The following SORCS3 variants were observed in gnomAD, a reference collection of about 807,000 sequenced individuals.
SORCS3 encodes VPS10 domain-containing receptor SorCS3.
A neutral mutation model predicts 146.3 loss-of-function variants in SORCS3; 57 were observed. That is an observed-to-expected ratio of 0.39 (90% CI 0.31 to 0.49). The LOEUF (loss-of-function observed/expected upper bound fraction) is 0.49, where lower values mean the gene tolerates loss of function less well. Among genes scored for constraint, SORCS3 ranks in the 20% least tolerant of loss-of-function variants. The probability of loss-of-function intolerance (pLI) is 0.92; values close to 1 mark genes in which losing one functional copy is unlikely to be tolerated. For missense variants in SORCS3, 1,341 were observed against 1,575.5 expected (o/e 0.85, Z 2.52); for synonymous variants, 653 against 618.5 (o/e 1.06, Z -0.83).
chr10:104,761,066 C>G (rs930740680), intron 1 of SORCS3, among the ~76,000 whole-genome samples: 8 of 152,212 alleles, frequency 5.3e-5, no homozygotes, highest in African/African-American at 9.6e-5. Flanking sequence ...GAAATCCTAC[C>G]TCCTTGAATG....
At chr10:104,796,237 G>A (rs75424675) in intron 1 of SORCS3, among the ~76,000 whole-genome samples, 1,975 of 152,306 alleles carry the variant, frequency 0.013, 30 homozygotes, top group African/African-American at 0.038. Flanking sequence ...TTTACATTCT[G>A]TAGCTAGAAC....
intron 13 of SORCS3, among the ~76,000 whole-genome samples, chr10:105,170,908 A>C (rs922540135): frequency 3.3e-5 from 5 of 152,130 alleles, no homozygotes; most frequent in African/African-American, 7.2e-5. Flanking sequence ...CTTTTTCTTC[A>C]CTAGGAGCTT....
chr10:104,957,386 G>A (rs1322026978), intron 3 of SORCS3, among the ~76,000 whole-genome samples: 1 of 152,174 alleles, frequency 6.6e-6, no homozygotes, highest in Admixed American at 6.6e-5. Flanking sequence ...CTCTTAATGA[G>A]AAGCGATTAA....
intron 5 of SORCS3, among the ~76,000 whole-genome samples, chr10:105,089,010 G>A (rs868397642): frequency 3.9e-5 from 6 of 152,306 alleles, no homozygotes; most frequent in Non-Finnish European, 7.3e-5. Context: ...GCTCTTTTCA[G>A]TGGACTTTTT....
intron 7 of SORCS3, among the ~76,000 whole-genome samples, chr10:105,123,039 G>A (rs748522759): frequency 5.3e-5 from 8 of 152,216 alleles, no homozygotes; most frequent in Admixed American, 1.3e-4. Flanking sequence ...CATTAAAGAA[G>A]GGCTTCCAAA....
chr10:105,088,391 T>TG (rs896397943), intron 5 of SORCS3, among the ~76,000 whole-genome samples: 2 of 152,170 alleles, frequency 1.3e-5, no homozygotes, highest in African/African-American at 2.4e-5. Context: ...TCAGCCTCTT[T>TG]GGGGAAAGAA....
chr10:105,182,230 C>CTTTTTGTTTTTTT (rs2056446794), intron 14 of SORCS3, among the ~76,000 whole-genome samples: 1 of 70,486 alleles, frequency 1.4e-5, no homozygotes, highest in Non-Finnish European at 2.7e-5. Context: ...TATTCAGCAT[C>CTTTTTGTTTTTTT]TTTTTTTTTT....
At chr10:104,716,184 A>C (rs1403921275) in intron 1 of SORCS3, among the ~76,000 whole-genome samples, 1 of 152,106 alleles carries the variant, frequency 6.6e-6, no homozygotes, top group Non-Finnish European at 1.5e-5. Context: ...ACTGTCGGAC[A>C]GGTAATTTAC....
chr10:104,914,708 C>T (rs575930372), intron 2 of SORCS3, among the ~76,000 whole-genome samples: 18 of 152,138 alleles, frequency 1.2e-4, no homozygotes, highest in Non-Finnish European at 2.4e-4. Context: ...GCCAGGGAAG[C>T]ACTGATTAGC....
chr10:104,876,396 T>A (rs1007798690), intron 2 of SORCS3, among the ~76,000 whole-genome samples: 1 of 152,180 alleles, frequency 6.6e-6, no homozygotes, highest in African/African-American at 2.4e-5. Flanking sequence ...CCAAAATATT[T>A]TCTAGATATG....
chr10:105,043,730 A>G (rs898770117), intron 5 of SORCS3, among the ~76,000 whole-genome samples: 4 of 151,944 alleles, frequency 2.6e-5, no homozygotes. Context: ...TCACTACAGA[A>G]TCCTTTTCTC....
At chr10:105,099,261 G>A (rs897171077) in intron 6 of SORCS3, among the ~76,000 whole-genome samples, 1 of 152,074 alleles carries the variant, frequency 6.6e-6, no homozygotes, top group Non-Finnish European at 1.5e-5. Context: ...AACAGCTCAC[G>A]GGTATTTCTC....
At chr10:104,892,696 T>A (rs2018760640) in intron 2 of SORCS3, among the ~76,000 whole-genome samples, 1 of 152,052 alleles carries the variant, frequency 6.6e-6, no homozygotes, top group Non-Finnish European at 1.5e-5. Flanking sequence ...CACTCCAGCC[T>A]GAGCAACAGA....
intron 3 of SORCS3, among the ~76,000 whole-genome samples, chr10:104,928,713 A>G (rs2019176089): frequency 1.3e-5 from 2 of 152,080 alleles, no homozygotes; most frequent in Admixed American, 1.3e-4. Context: ...GGTCTGCCAG[A>G]TGGCTCAGGG....
intron 1 of SORCS3, among the ~76,000 whole-genome samples, chr10:104,651,771 G>T (rs1297164327): frequency 6.6e-6 from 1 of 152,126 alleles, no homozygotes; most frequent in African/African-American, 2.4e-5. Context: ...TATTCCCGGG[G>T]TGTTCCTTTG....
At chr10:105,211,054 G>T (rs1395830265) in intron 16 of SORCS3, 83 bp from the exon 17 acceptor site, 2 of 853,360 alleles carry the variant, frequency 2.3e-6, no homozygotes, top group Non-Finnish European at 4.0e-6. Flanking sequence ...TGGCAATAGG[G>T]ACATGTATAT....
At chr10:104,749,888 C>A (rs978026123) in intron 1 of SORCS3, among the ~76,000 whole-genome samples, 1 of 152,042 alleles carries the variant, frequency 6.6e-6, no homozygotes, top group African/African-American at 2.4e-5. Context: ...TTTCCTGAGT[C>A]TGTACTATTT....
In SORCS3 at chr10:105,164,347, A is replaced by G; in HGVS notation, c.1777A>G (p.Ile593Val). Residue 593 changes from isoleucine to valine, a missense_variant, in exon 12 of 27, where the codon ATC becomes GTC. Physicochemically the swap from Ile to Val is conservative, Grantham distance 29. Transcript: ENST00000369701. ...ELSYTDIGVF[I>V]SSDGGNTWRQ... ...CTCATATACTGATATTGGTGTGTTC[A>G]TCTCCTCCGATGGGGGCAACACATG... is the stretch of plus-strand genomic sequence containing the variant. The G allele has an allele frequency of 4.3e-6, 7 of 1,613,524 alleles. No homozygotes were observed. Among genetic ancestry groups the G allele is most frequent in the East Asian group, 2.2e-5 (1 of 44,838 alleles).
intron 2 of SORCS3, among the ~76,000 whole-genome samples, chr10:104,877,912 A>C (rs2018593000): frequency 6.6e-6 from 1 of 152,206 alleles, no homozygotes; most frequent in Admixed American, 6.5e-5. Context: ...CTCCTTAGGA[A>C]TAATACTTAG....
Sources: gnomAD v4.1 joint callset for allele counts (sites outside exome capture counted in the v4.1 genomes callset) on GRCh38, gnomAD v4.1.1 for gene constraint, MANE v1.5 for transcripts, NCBI Gene and HGNC (gene_info 2026-07-23, HGNC 2026-07-21) for gene names.